The following USP34 variants were observed in gnomAD, a reference collection of about 807,000 sequenced individuals.
USP34 encodes ubiquitin carboxyl-terminal hydrolase 34.
USP34 carries 70 observed loss-of-function variants against 460.3 expected under a neutral mutation model. The observed-to-expected ratio is 0.15, with a 90% CI of 0.13 to 0.19. The LOEUF (loss-of-function observed/expected upper bound fraction) is 0.19, where lower values mean the gene tolerates loss of function less well. USP34 is among the 10% of genes least tolerant of loss of function. The pLI is 1.00. For synonymous variants in USP34, 1,647 were observed against 1,405.3 expected (o/e 1.17, Z -3.85); for missense variants, 3,985 against 4,236.2 (o/e 0.94, Z 1.65).
At chr2:61,449,183 G>GGAGC (rs1695201205) in intron 1 of USP34, among the ~76,000 whole-genome samples, 1 of 151,526 alleles carries the variant, frequency 6.6e-6, no homozygotes, top group Admixed American at 6.6e-5. Context: ...AGGGACAAGA[G>GGAGC]GAGCGCTCGA....
intron 5 of USP34, among the ~76,000 whole-genome samples, chr2:61,389,337 G>A (rs1237907734): frequency 2.6e-5 from 4 of 152,072 alleles, no homozygotes; most frequent in Admixed American, 2.0e-4. Context: ...GTTTCTTTAT[G>A]AATGTTATTT....
chr2:61,367,300 G>A (rs550939906), intron 10 of USP34, among the ~76,000 whole-genome samples: 2 of 151,572 alleles, frequency 1.3e-5, no homozygotes, highest in East Asian at 1.9e-4. Context: ...TTAGAAGCAC[G>A]AGTGCGCGCG....
chr2:61,196,141 C>T (rs1329419763), intron 75 of USP34, among the ~76,000 whole-genome samples: 3 of 129,898 alleles, frequency 2.3e-5, no homozygotes, highest in Admixed American at 9.7e-5. Flanking sequence ...AGTGCAGTGG[C>T]GCGATCTCGG....
rs142562443 is a variant in USP34, at chr2:61,436,221, T to C, written c.44-15388A>G. Among the ~76,000 whole-genome samples the C allele has an allele frequency of 1.6e-4, 25 of 152,162 alleles. No individual in the cohort carries two copies. The East Asian group carries it at 3.5e-3, about 21-fold the overall frequency. ...TGGCTCATGCTGTAATCTCAGCTAC[T>C]TGGGAATTTGAGGCAAAAGAATCGC... On this transcript the variant is annotated intron_variant, in intron 1 of 79. Transcript: ENST00000398571.
chr2:61,288,529 A>C, intron 34 of USP34, 148 bp downstream of exon 34: 2 of 760,050 alleles, frequency 2.6e-6, no homozygotes, highest in South Asian at 1.8e-5. Context: ...ACTGCTTCAT[A>C]ATCACTACTG....
At chr2:61,353,115 T>C (rs2103791215) in intron 10 of USP34, among the ~76,000 whole-genome samples, 1 of 152,114 alleles carries the variant, frequency 6.6e-6, no homozygotes, top group East Asian at 1.9e-4. Flanking sequence ...GAGACAACAA[T>C]ACAGGTTTCT....
chr2:61,415,028 G>A (rs1694152408), intron 2 of USP34, among the ~76,000 whole-genome samples: 1 of 152,154 alleles, frequency 6.6e-6, no homozygotes. Context: ...ACACAAAAAT[G>A]TGTGGGGAGG....
chr2:61,250,065 T>C lies in USP34; in HGVS notation c.6222-1382A>G, dbSNP rs539246541. On this transcript the variant is annotated intron_variant, in intron 48 of 79. Coordinates refer to ENST00000398571, the MANE Select transcript of USP34 (RefSeq NM_014709.4). Reference sequence around the variant, plus strand: ...GAGTTCGAGACCATTCTGGCCAACATGGCAAAACCATGTCTCCACTAAAAA... The same window carrying C: ...GAGTTCGAGACCATTCTGGCCAACACGGCAAAACCATGTCTCCACTAAAAA... 2.9e-3 allele frequency among the ~76,000 whole-genome samples: 443 copies of C among 152,236 alleles called. 3 individuals are homozygous for C. Among genetic ancestry groups the C allele is most frequent in the African/African-American group, 0.01 (418 of 41,532 alleles).
At chr2:61,307,283 A>G (rs1411463875) in intron 27 of USP34, among the ~76,000 whole-genome samples, 2 of 127,038 alleles carry the variant, frequency 1.6e-5, no homozygotes. Context: ...CTTGGACACA[A>G]GAAGGGGAAC....
chr2:61,252,146 T>C (rs1250764036), intron 48 of USP34, among the ~76,000 whole-genome samples: 2 of 152,150 alleles, frequency 1.3e-5, no homozygotes, highest in Non-Finnish European at 2.9e-5. Flanking sequence ...AAGGAGGTCT[T>C]TGGTTCAGAG....
chr2:61,470,289 C>T (rs1373356444), intron 1 of USP34, among the ~76,000 whole-genome samples: 2 of 152,204 alleles, frequency 1.3e-5, no homozygotes, highest in African/African-American at 4.8e-5. Context: ...GCCTCGTCCT[C>T]CGACCCCACC....
chr2:61,196,382 G>A lies in USP34; in HGVS notation c.9509-3402C>T, dbSNP rs188069641. Among the ~76,000 whole-genome samples, 603 of 150,974 alleles carry A rather than the reference G, an allele frequency of 4.0e-3. 3 individuals carry two copies. The highest frequency in any genetic ancestry group is 0.019 in the East Asian group (98 of 5,098). ...TGGGATTACAGGCGTGAGCCACCGCGCCCGGCCAATTTCTGTATTTTTTGT... is the reference window on the plus strand; with the variant it reads ...TGGGATTACAGGCGTGAGCCACCGCACCCGGCCAATTTCTGTATTTTTTGT... On this transcript the variant is annotated intron_variant, in intron 75 of 79. Transcript: ENST00000398571.
At chr2:61,435,060 T>G (rs762134256) in intron 1 of USP34, among the ~76,000 whole-genome samples, 1 of 151,918 alleles carries the variant, frequency 6.6e-6, no homozygotes, top group Non-Finnish European at 1.5e-5. Context: ...TCTCAGCACT[T>G]TGGGAGGCCA....
At chr2:61,220,844 T>G (rs1356844798) in intron 66 of USP34, among the ~76,000 whole-genome samples, 1 of 152,218 alleles carries the variant, frequency 6.6e-6, no homozygotes, top group Non-Finnish European at 1.5e-5. Flanking sequence ...AGAAGCTCGC[T>G]GTACTGCTGT....
chr2:61,194,521 G>A (rs111795162), intron 75 of USP34, among the ~76,000 whole-genome samples: 83 of 152,320 alleles, frequency 5.4e-4, no homozygotes, highest in African/African-American at 1.9e-3. Flanking sequence ...GAGACAGACA[G>A]TGTCTTCACT....
intron 2 of USP34, among the ~76,000 whole-genome samples, chr2:61,409,203 G>A (rs921239962): frequency 9.2e-5 from 14 of 151,998 alleles, no homozygotes; most frequent in African/African-American, 3.4e-4. Flanking sequence ...CTCGGTGATA[G>A]AGGGAGACTG....
chr2:61,352,317 T>C (rs1459657206), intron 10 of USP34, among the ~76,000 whole-genome samples: 1 of 151,902 alleles, frequency 6.6e-6, no homozygotes, highest in South Asian at 2.1e-4. Context: ...TGTTTATATA[T>C]ATAGTATATG....
intron 76 of USP34, among the ~76,000 whole-genome samples, chr2:61,191,814 A>G (rs1347574021): frequency 1.3e-5 from 2 of 152,206 alleles, no homozygotes; most frequent in East Asian, 1.9e-4. Context: ...GTAGCAGTGG[A>G]GAGGGAAAAC....
intron 1 of USP34, among the ~76,000 whole-genome samples, chr2:61,437,071 T>C (rs1186701): frequency 0.99 from 150,638 of 152,332 alleles, 74,487 homozygotes; most frequent in Middle Eastern, 1. Flanking sequence ...AAGTTTATAG[T>C]AATAAATGCC....
Sources: gnomAD v4.1 joint callset for allele counts (sites outside exome capture counted in the v4.1 genomes callset) on GRCh38, gnomAD v4.1.1 for gene constraint, MANE v1.5 for transcripts, NCBI Gene and HGNC (gene_info 2026-07-23, HGNC 2026-07-21) for gene names.